The following TXNDC16 variants were observed in gnomAD, a reference collection of about 807,000 sequenced individuals.
The protein encoded by TXNDC16 is thioredoxin domain-containing protein 16.
In TXNDC16, 74 loss-of-function variants were observed where a neutral mutation model predicts 85.6. That is an observed-to-expected ratio of 0.86 (90% CI 0.72 to 1.05). The LOEUF is 1.05. TXNDC16 is among the 50% of genes least tolerant of loss of function. The pLI is 0.00. For missense variants in TXNDC16, 959 were observed against 947.0 expected, an observed-to-expected ratio of 1.01 and a Z score of -0.17; for synonymous variants, 335 against 326.5, an observed-to-expected ratio of 1.03 and a Z score of -0.28.
At position 52,482,930 on chromosome 14, in the gene TXNDC16, TGAAAACAG is replaced by T; in HGVS notation, c.1136_1143del (p.Thr379LysfsTer3). ...AAAGGTAATTTTCTCTTCCTATCTC[TGAAAACAG>T]TTTCTGCCACTTCATCATCCTGAAC... On this transcript the variant is annotated frameshift_variant, in exon 13 of 21. Transcript: ENST00000281741. LOFTEE classifies it high-confidence loss of function. 6.2e-7 allele frequency: 1 copy of T among 1,610,336 alleles called. No homozygotes were observed. Among genetic ancestry groups the T allele is most frequent in the South Asian group, 1.1e-5 (1 of 90,690 alleles).
At chr14:52,448,121 T>A (rs2140108426) in intron 18 of TXNDC16, among the ~76,000 whole-genome samples, 1 of 151,528 alleles carries the variant, frequency 6.6e-6, no homozygotes, top group East Asian at 1.9e-4. Context: ...GAGATAGGGA[T>A]AGAGTGTATT....
intron 9 of TXNDC16, among the ~76,000 whole-genome samples, chr14:52,502,230 A>G (rs1018508613): frequency 6.6e-6 from 1 of 152,196 alleles, no homozygotes; most frequent in Non-Finnish European, 1.5e-5. Context: ...CCTGAATCCT[A>G]TATCCAAGTT....
intron 18 of TXNDC16, among the ~76,000 whole-genome samples, chr14:52,444,131 G>A (rs2035227914): frequency 6.6e-6 from 1 of 152,198 alleles, no homozygotes; most frequent in Admixed American, 6.5e-5. Flanking sequence ...AGTTTTGACT[G>A]CTACTGAGAC....
chr14:52,536,379 T>C (rs2037700863), intron 6 of TXNDC16, among the ~76,000 whole-genome samples: 2 of 152,190 alleles, frequency 1.3e-5, no homozygotes, highest in African/African-American at 4.8e-5. Context: ...AGTTTCATTG[T>C]TGTTTATAAG....
intron 16 of TXNDC16, among the ~76,000 whole-genome samples, chr14:52,466,723 G>T (rs995367675): frequency 3.2e-4 from 49 of 151,538 alleles, no homozygotes; most frequent in African/African-American, 1.1e-3. Context: ...AAAAATTAGC[G>T]GGGCATGGTG....
At chr14:52,516,644 G>T (rs11851679) in intron 7 of TXNDC16, among the ~76,000 whole-genome samples, 38,778 of 151,948 alleles carry the variant, frequency 0.26, 5,071 homozygotes, top group East Asian at 0.38. Context: ...TCAGTTCTGG[G>T]AAATTTTCTT....
intron 6 of TXNDC16, among the ~76,000 whole-genome samples, chr14:52,520,143 A>C (rs2037175671): frequency 6.6e-6 from 1 of 152,224 alleles, no homozygotes; most frequent in East Asian, 1.9e-4. Flanking sequence ...TGGAAGTTCA[A>C]AACACTGAAG....
In TXNDC16 at chr14:52,548,321, T is replaced by C. The variant is rs373536517; in HGVS notation, c.-181-3950A>G. On this transcript the variant is annotated intron_variant, in intron 1 of 20. Coordinates refer to ENST00000281741, the MANE Select transcript of TXNDC16 (RefSeq NM_020784.3). ...TCCACAACCCTTCATATTTATTGGG[T>C]AGCAAGAGCAGGGAGGAGCAGGTAA... 3.0e-4 allele frequency among the ~76,000 whole-genome samples: 45 copies of C among 152,276 alleles called. No homozygotes were observed. In the South Asian group the frequency reaches 5.6e-3, roughly 19 times the overall value.
chr14:52,490,062 C>A (rs971021891), intron 11 of TXNDC16, among the ~76,000 whole-genome samples: 2 of 152,114 alleles, frequency 1.3e-5, no homozygotes, highest in African/African-American at 4.8e-5. Context: ...CTCCTGGGCT[C>A]AAGCGATCCA....
chr14:52,444,361 T>C (rs1453868209), intron 18 of TXNDC16, among the ~76,000 whole-genome samples: 2 of 152,212 alleles, frequency 1.3e-5, no homozygotes, highest in Non-Finnish European at 2.9e-5. Flanking sequence ...ATGTAGTTAA[T>C]TATTGTGTAT....
chr14:52,508,918 G>T (rs1247534122), intron 9 of TXNDC16, among the ~76,000 whole-genome samples: 2 of 152,162 alleles, frequency 1.3e-5, no homozygotes, highest in Non-Finnish European at 1.5e-5. Flanking sequence ...GGTGGGGGCA[G>T]CGGGGAGGGA....
In TXNDC16 at chr14:52,458,868, G is replaced by A. The variant is rs556753504; in HGVS notation, c.1619-1694C>T. ...AATATGTCTCTTAAAAAGTCTCTTC[G>A]TAAATCCATGTGTTTGTAAATCCTA... On this transcript the variant is annotated intron_variant, in intron 16 of 20. Coordinates refer to ENST00000281741, the MANE Select transcript of TXNDC16 (RefSeq NM_020784.3). 1.8e-4 allele frequency among the ~76,000 whole-genome samples: 28 copies of A among 152,178 alleles called. 1 individual carries two copies. Among genetic ancestry groups the A allele is most frequent in the South Asian group, 1.2e-3 (6 of 4,826 alleles).
chr14:52,497,477 G>A (rs987992121), intron 9 of TXNDC16, among the ~76,000 whole-genome samples: 26 of 152,136 alleles, frequency 1.7e-4, no homozygotes, highest in African/African-American at 6.3e-4. Flanking sequence ...CATTTTATGA[G>A]GCCAGCATTA....
chr14:52,551,475 GAAA>G (rs11380216), intron 1 of TXNDC16, among the ~76,000 whole-genome samples: 29,468 of 132,278 alleles, frequency 0.22, 3,441 homozygotes, highest in East Asian at 0.54. Context: ...TGAAAAAAAG[GAAA>G]AAAAAAAAAA....
chr14:52,468,382 T>G (rs1323761931), intron 16 of TXNDC16, among the ~76,000 whole-genome samples: 1 of 152,174 alleles, frequency 6.6e-6, no homozygotes, highest in African/African-American at 2.4e-5. Flanking sequence ...GGGTTTTTTA[T>G]AGCTAAAAGC....
At chr14:52,540,059 G>A (rs2037794521) in intron 4 of TXNDC16, among the ~76,000 whole-genome samples, 1 of 152,080 alleles carries the variant, frequency 6.6e-6, no homozygotes, top group African/African-American at 2.4e-5. Flanking sequence ...CAATCTTATG[G>A]AACAAGTAGG....
intron 7 of TXNDC16, among the ~76,000 whole-genome samples, chr14:52,516,898 C>A (rs2037095746): frequency 6.6e-6 from 1 of 152,086 alleles, no homozygotes; most frequent in African/African-American, 2.4e-5. Flanking sequence ...TAGTACTACT[C>A]CTGTCATAAT....
At chr14:52,524,701 C>T (rs886114270) in intron 6 of TXNDC16, among the ~76,000 whole-genome samples, 1 of 152,022 alleles carries the variant, frequency 6.6e-6, no homozygotes, top group African/African-American at 2.4e-5. Flanking sequence ...CATTGTATTG[C>T]CCAGGCTGGT....
At chr14:52,446,600 G>A (rs2035290686) in intron 18 of TXNDC16, among the ~76,000 whole-genome samples, 1 of 152,110 alleles carries the variant, frequency 6.6e-6, no homozygotes, top group Admixed American at 6.5e-5. Context: ...GGACAGCTAG[G>A]GGAGTGCTGA....
Sources: gnomAD v4.1 joint callset for allele counts (sites outside exome capture counted in the v4.1 genomes callset) on GRCh38, gnomAD v4.1.1 for gene constraint, MANE v1.5 for transcripts, NCBI Gene and HGNC (gene_info 2026-07-23, HGNC 2026-07-21) for gene names.